The following CUX1 variants were observed in gnomAD, a reference collection of about 807,000 sequenced individuals.
The protein encoded by CUX1 is protein CASP.
A neutral mutation model predicts 158.8 loss-of-function variants in CUX1; 31 were observed. The ratio of observed to expected loss-of-function variants is 0.20; its 90% CI spans 0.15 to 0.26. CUX1 has a LOEUF of 0.26. Ranked by LOEUF, CUX1 falls within the 10% of genes least tolerant of loss-of-function variation. CUX1 has a pLI of 1.00. For synonymous variants in CUX1, 879 were observed against 862.1 expected (o/e 1.02, Z -0.34); for missense variants, 1,589 against 2,014.6 (o/e 0.79, Z 4.04).
Position 102,248,984 on chromosome 7 carries a change from T to A in CUX1, c.4460T>A (p.Ile1487Asn). The change falls in exon 24 of 24, where the codon ATC (isoleucine) becomes AAC (asparagine). Residue 1487 changes from isoleucine (I) to asparagine (N), a missense_variant. By Grantham distance (149) the Ile-to-Asn change is moderately radical. Around this residue, in one of 8 missense-constraint regions of CUX1, gnomAD observed 344 missense variants for 323.7 expected, o/e 1.06. Transcript: ENST00000292535. The surrounding 1 kb of genome is among the most constrained non-coding windows in gnomAD (Gnocchi z 5.8). Reference sequence around the variant, plus strand: ...AAGAAGGCCGCGAACTTGAACAGCATCATCCACCGCCTGGAGAAGGCCGCC... The same window carrying A: ...AAGAAGGCCGCGAACTTGAACAGCAACATCCACCGCCTGGAGAAGGCCGCC... ...RKKKAANLNS[I>N]IHRLEKAASR... is the part of the protein sequence containing the mutation. 1 of 1,442,660 alleles carries A rather than the reference T, an allele frequency of 6.9e-7. No homozygotes were observed. Among genetic ancestry groups the A allele is most frequent in the Non-Finnish European group, 9.2e-7 (1 of 1,088,602 alleles). The allele number at this position is 1,442,660 out of a possible 1,614,324, so 89.4% of individuals were successfully genotyped here.
At chr7:102,259,915 G>C (rs1554543288), downstream of CUX1, among the ~76,000 whole-genome samples, 2 of 151,722 alleles carry the variant, frequency 1.3e-5, no homozygotes, top group Non-Finnish European at 2.9e-5. Flanking sequence ...GGGCAACATA[G>C]TGAGACCCCA....
Position 102,070,332 on chromosome 7 carries a change from C to G in CUX1, c.190-7C>G. 1 of 1,606,612 alleles carries G rather than the reference C, an allele frequency of 6.2e-7. No individual in the cohort carries two copies. ...GTTTTTCTTTTCTTTCTTTCCTTCC[C>G]TTTCAGATTGATGCACTGAGTAAAA... On this transcript the variant is annotated splice_polypyrimidine_tract_variant and splice_region_variant and intron_variant, in intron 3 of 23. Coordinates refer to ENST00000292535, the MANE Select transcript of CUX1 (RefSeq NM_181552.4).
chr7:102,045,321 A>G (rs1299819857), intron 3 of CUX1, among the ~76,000 whole-genome samples: 3 of 152,246 alleles, frequency 2.0e-5, no homozygotes, highest in Admixed American at 2.0e-4. Flanking sequence ...GGCTAAGTCC[A>G]TGATCTATGG....
Position 102,200,074 on chromosome 7 carries a change from A to G in CUX1, c.1964A>G (p.Asn655Ser), listed in dbSNP as rs782504944. ...VPKRRNGSEG[N>S]ITTRIRASET... is the part of the protein sequence containing the mutation. ...TTGGCGCAACTTCTCCCCACAGGTA[A>G]CATCACCACCCGGATCCGAGCCTCG... The change falls in exon 17 of 24, where the codon AAC becomes AGC. Residue 655 changes from asparagine (N) to serine (S), a missense_variant. By Grantham distance (46) the Asn-to-Ser change is conservative. Coordinates refer to ENST00000292535, the MANE Select transcript of CUX1 (RefSeq NM_181552.4). 6.2e-7 allele frequency: 1 copy of G among 1,609,564 alleles called. No individual in the cohort carries two copies. The highest frequency in any genetic ancestry group is 8.5e-7 in the Non-Finnish European group (1 of 1,178,194).
At chr7:102,116,837 G>T (rs1831487971) in intron 8 of CUX1, among the ~76,000 whole-genome samples, 1 of 152,116 alleles carries the variant, frequency 6.6e-6, no homozygotes, top group South Asian at 2.1e-4. Context: ...GGGGTGTGGT[G>T]TGCATGAAGG....
At chr7:102,015,010 G>A (rs563313415) in intron 2 of CUX1, among the ~76,000 whole-genome samples, 10 of 152,066 alleles carry the variant, frequency 6.6e-5, no homozygotes, top group South Asian at 4.1e-4. Flanking sequence ...TTTACCCATC[G>A]TTCATTATTA....
At chr7:102,093,990 C>T (rs1828930607) in intron 4 of CUX1, among the ~76,000 whole-genome samples, 1 of 152,162 alleles carries the variant, frequency 6.6e-6, no homozygotes, top group Non-Finnish European at 1.5e-5. Context: ...TAAGACCTGA[C>T]AATCCTTGTG....
chr7:101,912,665 G>A (rs1803632467), intron 1 of CUX1, among the ~76,000 whole-genome samples: 2 of 152,328 alleles, frequency 1.3e-5, no homozygotes, highest in East Asian at 1.9e-4. Context: ...GCCTATGCGA[G>A]CATATGGATG....
chr7:102,103,789 T>C (rs1292548915), intron 5 of CUX1, among the ~76,000 whole-genome samples: 2 of 151,988 alleles, frequency 1.3e-5, no homozygotes, highest in South Asian at 2.1e-4. Context: ...TGTGGGTACA[T>C]AGTAGGTGTC....
At chr7:101,964,034 T>C (rs1015630940) in intron 2 of CUX1, among the ~76,000 whole-genome samples, 33 of 151,994 alleles carry the variant, frequency 2.2e-4, no homozygotes, top group African/African-American at 7.7e-4. Flanking sequence ...AGATCGGGTG[T>C]TCTTGTCAAA....
chr7:101,933,841 C>CTAT (rs1380309368), intron 2 of CUX1, among the ~76,000 whole-genome samples: 2 of 152,084 alleles, frequency 1.3e-5, no homozygotes, highest in African/African-American at 4.8e-5. Flanking sequence ...GCCATTCTGT[C>CTAT]TTTTAGCCCT....
At chr7:101,913,423 C>G in intron 1 of CUX1, 1 of 1,252,402 alleles carries the variant, frequency 8.0e-7, no homozygotes, top group African/African-American at 1.5e-5. Flanking sequence ...ACTGGCTCTG[C>G]AGCCCCGGGA....
At chr7:102,206,314 A>G (rs1795942705) in intron 20 of CUX1, among the ~76,000 whole-genome samples, 1 of 152,160 alleles carries the variant, frequency 6.6e-6, no homozygotes, top group Non-Finnish European at 1.5e-5. Flanking sequence ...TTGGCTGGAC[A>G]TCTAGGTGGA....
intron 11 of CUX1, among the ~76,000 whole-genome samples, chr7:102,182,548 G>A (rs999757955): frequency 1.2e-4 from 18 of 152,108 alleles, no homozygotes; most frequent in African/African-American, 3.9e-4. Flanking sequence ...TAAATGCCCC[G>A]CTATCCACGT....
At chr7:101,844,597 C>A (rs951185604) in intron 1 of CUX1, among the ~76,000 whole-genome samples, 68 of 151,872 alleles carry the variant, frequency 4.5e-4, no homozygotes, top group African/African-American at 1.5e-3. Flanking sequence ...TTCTTTTTAT[C>A]CTTGTCATCG....
chr7:101,851,759 G>A (rs536014321), intron 1 of CUX1, among the ~76,000 whole-genome samples: 2 of 151,776 alleles, frequency 1.3e-5, no homozygotes, highest in Admixed American at 6.6e-5. Flanking sequence ...CCAGAGTTGC[G>A]TTAGTCAGAT....
chr7:101,985,282 G>A (rs534395232), intron 2 of CUX1, among the ~76,000 whole-genome samples: 15 of 152,218 alleles, frequency 9.9e-5, no homozygotes, highest in East Asian at 7.7e-4. Context: ...GAGGGGGGTC[G>A]TGCGGGGAGA....
intron 12 of CUX1, among the ~76,000 whole-genome samples, chr7:102,191,253 GAC>G (rs1300484099): frequency 3.3e-5 from 5 of 152,236 alleles, no homozygotes; most frequent in African/African-American, 9.6e-5. Context: ...TTATTTATTT[GAC>G]AGAGTTTAGC....
intron 8 of CUX1, among the ~76,000 whole-genome samples, chr7:102,149,794 A>G: frequency 6.6e-6 from 1 of 151,816 alleles, no homozygotes; most frequent in Non-Finnish European, 1.5e-5. Context: ...AGTTAAGGGG[A>G]TTCCAGACCT....
Sources: gnomAD v4.1 joint callset for allele counts (sites outside exome capture counted in the v4.1 genomes callset) on GRCh38, gnomAD v4.1.1 for gene constraint, gnomAD v4.1.1 regional missense constraint, Gnocchi (gnomAD v3.1) non-coding constraint, MANE v1.5 for transcripts, NCBI Gene and HGNC (gene_info 2026-07-23, HGNC 2026-07-21) for gene names.